EHBP1L1: variants seen among roughly 807,000 people sequenced by gnomAD.
The protein encoded by EHBP1L1 is EH domain binding protein 1 like 1.
In EHBP1L1, 122 loss-of-function variants were observed where a neutral mutation model predicts 151.1. The ratio of observed to expected loss-of-function variants is 0.81; its 90% CI spans 0.70 to 0.94. EHBP1L1 has a LOEUF of 0.94. EHBP1L1 is among the 40% of genes least tolerant of loss of function. EHBP1L1 has a pLI of 0.00. For synonymous variants in EHBP1L1, 878 were observed against 810.1 expected (o/e 1.08, Z -1.42); for missense variants, 1,941 against 1,959.8 (o/e 0.99, Z 0.18).
rs759333764 is a variant in EHBP1L1, at chr11:65,579,121, C to T, written c.148C>T (p.Arg50Cys). The T allele has an allele frequency of 8.2e-5, 130 of 1,594,446 alleles. No homozygotes were observed. Among genetic ancestry groups the T allele is most frequent in the Middle Eastern group, 1.7e-4 (1 of 6,050 alleles). Residue 50 changes from arginine to cysteine, a missense_variant, in exon 2 of 19, where the codon CGC becomes TGC. Coordinates refer to ENST00000309295, the MANE Select transcript of EHBP1L1 (RefSeq NM_001099409.3). The part of the protein sequence containing the change: ...LVVVWTRRNR[R>C]ICSKAHSWQP... ...GGTGGTATGGACCCGTCGGAACCGACGCATCTGCTCCAAGGTGGGGAAGGA... is the reference window on the plus strand; with the variant it reads ...GGTGGTATGGACCCGTCGGAACCGATGCATCTGCTCCAAGGTGGGGAAGGA...
chr11:65,581,531 C>T lies in EHBP1L1; in HGVS notation c.867-8C>T, dbSNP rs1857609553. 4 of 1,485,252 alleles carry T rather than the reference C, an allele frequency of 2.7e-6. No individual in the cohort carries two copies. The highest frequency in any genetic ancestry group is 2.7e-6 in the Non-Finnish European group (3 of 1,118,418). 92.0% of individuals were successfully genotyped at this position (1,485,252 alleles called of 1,614,324 possible). ...GCCCCCCAACTCCCCCTCCTGCTCT[C>T]TTCTCAGGTCTTCAAGGCAGCCAGC... On this transcript the variant is annotated splice_polypyrimidine_tract_variant and splice_region_variant and intron_variant, in intron 8 of 18. Transcript: ENST00000309295.
At chr11:65,576,841 C>T (rs1279866804) in intron 1 of EHBP1L1, among the ~76,000 whole-genome samples, 1 of 152,018 alleles carries the variant, frequency 6.6e-6, no homozygotes, top group African/African-American at 2.4e-5. Flanking sequence ...TTGCCCCCTC[C>T]TCCCCTGCCA....
chr11:65,584,057 A>G, intron 9 of EHBP1L1, 184 bp from the exon 10 acceptor site: 1 of 1,427,648 alleles, frequency 7.0e-7, no homozygotes, highest in Non-Finnish European at 9.1e-7. Flanking sequence ...CTTTTAGGTG[A>G]CCTTGGCAGA....
chr11:65,576,309 T>A lies in EHBP1L1; in HGVS notation c.7T>A (p.Ser3Thr). 6.3e-7 allele frequency: 1 copy of A among 1,592,052 alleles called. No individual in the cohort carries two copies. Among genetic ancestry groups the A allele is most frequent in the Non-Finnish European group, 8.5e-7 (1 of 1,170,670 alleles). Residue 3 changes from serine to threonine, a missense_variant, in exon 1 of 19, where the codon TCG (serine) becomes ACG (threonine). Transcript: ENST00000309295. MT[S>T]VWKRLQRVGK... ...CGGCGGGGTGGCGGGGGCCATGACC[T>A]CGGTGTGGAAGCGCCTGCAGCGCGT... is the stretch of plus-strand genomic sequence containing the variant.
chr11:65,585,729 G>A lies in EHBP1L1; in HGVS notation c.3933+138G>A. The A allele has an allele frequency of 7.2e-7, 1 of 1,384,626 alleles. No individual in the cohort carries two copies. Among genetic ancestry groups the A allele is most frequent in the Non-Finnish European group, 9.7e-7 (1 of 1,031,190 alleles). 85.8% of individuals were successfully genotyped at this position (1,384,626 alleles called of 1,614,324 possible). ...GACGGTTTCAGAGTGGCGGGGCTCG[G>A]CTGGACCCAGGAGGGGCTATCTGAT... On this transcript the variant is annotated intron_variant, in intron 12 of 18. Coordinates refer to ENST00000309295, the MANE Select transcript of EHBP1L1 (RefSeq NM_001099409.3). The surrounding 1 kb of genome is among the most constrained non-coding windows in gnomAD (Gnocchi z 4.0).
Position 65,591,888 on chromosome 11 carries a change from CAG to C in EHBP1L1, c.4357+16_4357+17del. 4 of 1,601,078 alleles carry C rather than the reference CAG, an allele frequency of 2.5e-6. No individual in the cohort carries two copies. Among genetic ancestry groups the C allele is most frequent in the Non-Finnish European group, 3.4e-6 (4 of 1,173,924 alleles). ...GGCCATCGAAGGTGGGACATGGGCT[CAG>C]GGGCCGGGAGGCAAGACAGAGCCAG... On this transcript the variant is annotated intron_variant, in intron 17 of 18. Coordinates refer to ENST00000309295, the MANE Select transcript of EHBP1L1 (RefSeq NM_001099409.3).
At chr11:65,590,632 T>TA (rs1339595237) in intron 16 of EHBP1L1, 40 bp downstream of exon 16, 15 of 1,571,094 alleles carry the variant, frequency 9.5e-6, no homozygotes, top group Non-Finnish European at 1.3e-5. Context: ...GAGGGACTCT[T>TA]AGCTACTTTG....
Position 65,581,378 on chromosome 11 carries a change from G to C in EHBP1L1, c.866+5G>C, listed in dbSNP as rs1375597034. 3 of 1,541,304 alleles carry C rather than the reference G, an allele frequency of 1.9e-6. No homozygotes were observed. The highest frequency in any genetic ancestry group is 1.4e-5 in the African/African-American group (1 of 71,984). On this transcript the variant is annotated splice_donor_5th_base_variant and intron_variant, in intron 8 of 18. Coordinates refer to ENST00000309295, the MANE Select transcript of EHBP1L1 (RefSeq NM_001099409.3). The stretch of plus-strand genomic sequence containing the variant: ...GGAAACCTCACCAGAGATGAGGTGA[G>C]CTTTGGAACCAGCCTCACCCCCCAT...
Position 65,592,427 on chromosome 11 carries a change from C to G in EHBP1L1, c.*125C>G. On this transcript the variant is annotated 3_prime_UTR_variant, in exon 19 of 19. Transcript: ENST00000309295. ...GCGTGTCCGCTAGGGGCCGCCGGCG[C>G]CCTTCCCCGTACAGGGCAGGGCGGA... 1 of 676,320 alleles carries G rather than the reference C, an allele frequency of 1.5e-6. No homozygotes were observed. The highest frequency in any genetic ancestry group is 1.9e-6 in the Non-Finnish European group (1 of 529,546). The allele number at this position is 676,320 out of a possible 1,614,324, so 41.9% of individuals were successfully genotyped here.
rs895512314 is a variant in EHBP1L1, at chr11:65,576,412, TGGGA to T, written c.104+13_104+16del. The stretch of plus-strand genomic sequence containing the variant: ...TTGGAGTGCACCAAGAAATGGTGAG[TGGGA>T]GGGAGGCGGGGGGGCTCCCCCGAAC... On this transcript the variant is annotated splice_region_variant and intron_variant, in intron 1 of 18. Transcript: ENST00000309295. 7 of 1,571,704 alleles carry T rather than the reference TGGGA, an allele frequency of 4.5e-6. No individual in the cohort carries two copies. The African/African-American group carries it at 9.5e-5, about 21-fold the overall frequency.
rs760790996 is a variant in EHBP1L1 at position 65,584,350 on chromosome 11, AC to A, written c.3204del (p.Asn1068LysfsTer22). 6.2e-7 allele frequency: 1 copy of A among 1,610,230 alleles called. No homozygotes were observed. Among genetic ancestry groups the A allele is most frequent in the Non-Finnish European group, 8.5e-7 (1 of 1,177,652 alleles). The part of the protein sequence containing the change: ...RITNFTTSWR[N>X]GLAFCAILHR... ...ACCAACTTCACCACATCCTGGCGCA[AC>A]GGCTTGGCCTTCTGTGCCATCCTGC... On this transcript the variant is annotated frameshift_variant, in exon 10 of 19. Coordinates refer to ENST00000309295, the MANE Select transcript of EHBP1L1 (RefSeq NM_001099409.3). LOFTEE classifies it high-confidence loss of function.
intron 15 of EHBP1L1, 133 bp downstream of exon 15, chr11:65,590,343 C>T: frequency 6.6e-7 from 1 of 1,511,578 alleles, no homozygotes; most frequent in South Asian, 1.2e-5. Context: ...TACAGCCAGG[C>T]ATGCTGAGGC....
chr11:65,585,647 T>C lies in EHBP1L1; in HGVS notation c.3933+56T>C. On this transcript the variant is annotated intron_variant, in intron 12 of 18. Coordinates refer to ENST00000309295, the MANE Select transcript of EHBP1L1 (RefSeq NM_001099409.3). The surrounding 1 kb of genome is among the most constrained non-coding windows in gnomAD (Gnocchi z 4.0). ...GCCGCAGCGCGGGGTCCCGGGAAGA[T>C]GGGCAGAGAACGGGCGAGCCCCCAA... 6.6e-7 allele frequency: 1 copy of C among 1,525,344 alleles called. No individual in the cohort carries two copies. The allele number at this position is 1,525,344 out of a possible 1,614,324, so 94.5% of individuals were successfully genotyped here.
chr11:65,585,564 C>T lies in EHBP1L1; in HGVS notation c.3906C>T (p.Asp1302=), dbSNP rs1264722520. 12 of 1,581,786 alleles carry T rather than the reference C, an allele frequency of 7.6e-6. No homozygotes were observed. The East Asian group carries it at 2.3e-4, about 30-fold the overall frequency. ...GCTCGTTCTCGATGGACGATCCGGA[C>T]GCGGGAGCCATGGGAGCTGCGGCTG... ...NSSSFSMDDP[D]AGAMGAAAAE... Residue 1302 remains aspartate (D), a synonymous_variant, in exon 12 of 19, where the codon GAC becomes GAT. Coordinates refer to ENST00000309295, the MANE Select transcript of EHBP1L1 (RefSeq NM_001099409.3). This position sits in a 1 kb window ranked among gnomAD's most constrained non-coding sequence, Gnocchi z 4.0.
At position 65,583,631 on chromosome 11, in the gene EHBP1L1, G is replaced by C. The variant is rs778268928; in HGVS notation, c.2959G>C (p.Gly987Arg). The C allele has an allele frequency of 3.1e-6, 5 of 1,605,098 alleles. No homozygotes were observed. In the South Asian group the frequency reaches 5.6e-5, roughly 18 times the overall value. Residue 987 changes from glycine to arginine, a missense_variant, in exon 9 of 19, where the codon GGG (glycine) becomes CGG (arginine). Gly to Arg is a moderately radical substitution (Grantham distance 125). Transcript: ENST00000309295. Reference sequence around the variant, plus strand: ...GGCTGGGGTCTTGGGAAATGAGAAGGGGAAAGAAGCTGAGGGAAGCCTCAC... The same window carrying C: ...GGCTGGGGTCTTGGGAAATGAGAAGCGGAAAGAAGCTGAGGGAAGCCTCAC... ...AEAGVLGNEKGKEAEGSLTEA... is the reference protein window; with the variant it reads ...AEAGVLGNEKRKEAEGSLTEA...
intron 6 of EHBP1L1, 103 bp from the exon 7 acceptor site, chr11:65,580,954 CG>C (rs1857573276): frequency 1.4e-6 from 2 of 1,468,112 alleles, no homozygotes; most frequent in Non-Finnish European, 1.8e-6. Flanking sequence ...GAGGCCAGGG[CG>C]TTTCCCAGGT....
At chr11:65,578,791 T>C (rs1334549279) in intron 1 of EHBP1L1, among the ~76,000 whole-genome samples, 3 of 152,262 alleles carry the variant, frequency 2.0e-5, no homozygotes, top group Non-Finnish European at 4.4e-5. Context: ...TCTTGGTCTC[T>C]GTATGTGCCT....
intron 9 of EHBP1L1, chr11:65,584,006 T>C (rs538187109): frequency 1.2e-5 from 17 of 1,404,918 alleles, no homozygotes; most frequent in South Asian, 1.7e-5. Flanking sequence ...CTTTGAGGTG[T>C]GGCTGCTGGT....
intron 16 of EHBP1L1, chr11:65,591,548 A>G (rs1209113737): frequency 1.0e-5 from 6 of 588,044 alleles, no homozygotes; most frequent in Non-Finnish European, 1.2e-5. Flanking sequence ...GTTCATCCAA[A>G]TAATCCTTCG....
Sources: gnomAD v4.1 joint callset for allele counts (sites outside exome capture counted in the v4.1 genomes callset) on GRCh38, gnomAD v4.1.1 for gene constraint, Gnocchi (gnomAD v3.1) non-coding constraint, MANE v1.5 for transcripts, NCBI Gene and HGNC (gene_info 2026-07-23, HGNC 2026-07-21) for gene names.